Variants in NSMCE2 observed in about 807,000 individuals in gnomAD.
The protein encoded by NSMCE2 is NSE2 SUMO ligase component of SMC5/6 complex.
A neutral mutation model predicts 23.8 loss-of-function variants in NSMCE2; 24 were observed. The observed-to-expected ratio is 1.01, with a 90% CI of 0.73 to 1.42. The LOEUF is 1.42. Among genes scored for constraint, NSMCE2 ranks in the 40% most tolerant of loss-of-function variants. The pLI is 0.00. For synonymous variants in NSMCE2, 92 were observed against 94.1 expected, an observed-to-expected ratio of 0.98 and a Z score of 0.13; for missense variants, 284 against 296.5, an observed-to-expected ratio of 0.96 and a Z score of 0.31.
chr8:125,280,430 A>G (rs1827644835), intron 5 of NSMCE2, among the ~76,000 whole-genome samples: 1 of 152,234 alleles, frequency 6.6e-6, no homozygotes, highest in South Asian at 2.1e-4. Flanking sequence ...TGCTAAGCCT[A>G]TTACATTCTT....
At chr8:125,174,956 A>G (rs1822406849) in intron 4 of NSMCE2, among the ~76,000 whole-genome samples, 1 of 152,232 alleles carries the variant, frequency 6.6e-6, no homozygotes, top group East Asian at 1.9e-4. Flanking sequence ...ATGAAGGGGT[A>G]TAATCCATGC....
At chr8:125,215,950 C>T (rs1390072480) in intron 5 of NSMCE2, among the ~76,000 whole-genome samples, 2 of 152,204 alleles carry the variant, frequency 1.3e-5, no homozygotes, top group Non-Finnish European at 2.9e-5. Context: ...CACCTATTGT[C>T]CTAGTTACTT....
intron 5 of NSMCE2, among the ~76,000 whole-genome samples, chr8:125,221,609 A>G (rs1824863965): frequency 6.6e-6 from 1 of 152,248 alleles, no homozygotes; most frequent in Non-Finnish European, 1.5e-5. Flanking sequence ...TTGAAACCAA[A>G]AAGTGTTTCA....
chr8:125,231,673 T>A (rs1825329300), intron 5 of NSMCE2, among the ~76,000 whole-genome samples: 2 of 152,316 alleles, frequency 1.3e-5, no homozygotes, highest in African/African-American at 2.4e-5. Flanking sequence ...ATGAAATTTT[T>A]TTTCACTTAA....
intron 5 of NSMCE2, among the ~76,000 whole-genome samples, chr8:125,252,543 C>T (rs1826242644): frequency 1.3e-5 from 2 of 152,044 alleles, no homozygotes; most frequent in Admixed American, 1.3e-4. Context: ...AGAGAAAAAC[C>T]CTGTTTCATC....
At chr8:125,254,635 T>G (rs1164785693) in intron 5 of NSMCE2, among the ~76,000 whole-genome samples, 1 of 152,168 alleles carries the variant, frequency 6.6e-6, no homozygotes. Context: ...GACTATAATT[T>G]GATTGGCTTG....
intron 3 of NSMCE2, among the ~76,000 whole-genome samples, chr8:125,135,576 G>A (rs190820966): frequency 5.9e-5 from 9 of 152,162 alleles, no homozygotes; most frequent in South Asian, 4.1e-4. Flanking sequence ...AATAAGGTAC[G>A]AGGTATAGAT....
chr8:125,312,707 G>A (rs1018647888), intron 5 of NSMCE2, among the ~76,000 whole-genome samples: 9 of 152,216 alleles, frequency 5.9e-5, no homozygotes, highest in African/African-American at 2.2e-4. Context: ...TGAGGTGGTA[G>A]AAAGCAGACT....
chr8:125,295,509 T>G (rs1017486588), intron 5 of NSMCE2, among the ~76,000 whole-genome samples: 1 of 152,222 alleles, frequency 6.6e-6, no homozygotes, highest in African/African-American at 2.4e-5. Context: ...TCTGACCCCC[T>G]GAGAGAATAA....
intron 3 of NSMCE2, among the ~76,000 whole-genome samples, chr8:125,133,777 C>A (rs957874849): frequency 3.4e-5 from 5 of 147,032 alleles, no homozygotes; most frequent in Admixed American, 6.6e-5. Context: ...AAACAAAAAC[C>A]AAAACAAAAA....
intron 3 of NSMCE2, among the ~76,000 whole-genome samples, chr8:125,123,879 T>C (rs1819384481): frequency 6.6e-6 from 1 of 152,242 alleles, no homozygotes; most frequent in Admixed American, 6.5e-5. Context: ...TTTTATTCTT[T>C]TATTTGGTGA....
At chr8:125,305,628 G>C (rs1347718360) in intron 5 of NSMCE2, among the ~76,000 whole-genome samples, 2 of 152,168 alleles carry the variant, frequency 1.3e-5, no homozygotes, top group African/African-American at 4.8e-5. Context: ...AGGAGTATAT[G>C]GTTAAAGAGA....
intron 5 of NSMCE2, among the ~76,000 whole-genome samples, chr8:125,304,776 A>G (rs1302621474): frequency 6.6e-6 from 1 of 151,670 alleles, no homozygotes; most frequent in African/African-American, 2.4e-5. Context: ...AAGTCTCATC[A>G]CTGATTCTCA....
chr8:125,166,939 G>A (rs1469733494), intron 4 of NSMCE2, among the ~76,000 whole-genome samples: 1 of 152,206 alleles, frequency 6.6e-6, no homozygotes, highest in Non-Finnish European at 1.5e-5. Context: ...CAAGGCAGGA[G>A]TATAAGGATG....
intron 5 of NSMCE2, among the ~76,000 whole-genome samples, chr8:125,319,398 C>T (rs1829334250): frequency 6.6e-6 from 1 of 152,010 alleles, no homozygotes; most frequent in Admixed American, 6.5e-5. Context: ...TCAAAACTGA[C>T]CTAGAAATGA....
rs751807386 is a variant in NSMCE2 at position 125,094,998 on chromosome 8, C to T, written c.-111+3040C>T. Among the ~76,000 whole-genome samples, 4 of 152,132 alleles carry T rather than the reference C, an allele frequency of 2.6e-5. No homozygotes were observed. The South Asian group carries it at 8.3e-4, about 32-fold the overall frequency. On this transcript the variant is annotated intron_variant, in intron 1 of 7. Transcript: ENST00000287437. Reference sequence around the variant, plus strand: ...TCCTGAGGAGCTGGGGCTGCAGGCCCGCACCACCACATCCAGCTAATTTTT... The same window carrying T: ...TCCTGAGGAGCTGGGGCTGCAGGCCTGCACCACCACATCCAGCTAATTTTT...
intron 5 of NSMCE2, among the ~76,000 whole-genome samples, chr8:125,316,745 T>TTCCTTCCTTCCTTCCTTCCTTCCTTCCC: frequency 7.1e-6 from 1 of 140,808 alleles, no homozygotes; most frequent in African/African-American, 2.8e-5. Flanking sequence ...CCTTCCTTCC[T>TTCCTTCCTTCCTTCCTTCCTTCCTTCCC]TCCTTCCTTC....
At chr8:125,334,257 G>T (rs1412465639) in intron 5 of NSMCE2, among the ~76,000 whole-genome samples, 1 of 152,158 alleles carries the variant, frequency 6.6e-6, no homozygotes, top group Non-Finnish European at 1.5e-5. Context: ...CTCACTGGAG[G>T]TGCTTTGATC....
At chr8:125,099,679 G>A (rs1818092558) in intron 1 of NSMCE2, among the ~76,000 whole-genome samples, 1 of 152,108 alleles carries the variant, frequency 6.6e-6, no homozygotes, top group African/African-American at 2.4e-5. Context: ...AGTCTTTTCA[G>A]GTGACCTTGA....
Sources: gnomAD v4.1 joint callset for allele counts (sites outside exome capture counted in the v4.1 genomes callset) on GRCh38, gnomAD v4.1.1 for gene constraint, MANE v1.5 for transcripts, NCBI Gene and HGNC (gene_info 2026-07-23, HGNC 2026-07-21) for gene names.